The following PPWD1 variants were observed in gnomAD, a reference collection of about 807,000 sequenced individuals.
The protein encoded by PPWD1 is peptidylprolyl isomerase domain and WD repeat containing 1, also known as peptidylprolyl isomerase domain and WD repeat-containing protein 1.
A neutral mutation model predicts 68.8 loss-of-function variants in PPWD1; 43 were observed. That is an observed-to-expected ratio of 0.62 (90% confidence interval 0.49 to 0.81). The LOEUF (loss-of-function observed/expected upper bound fraction) is 0.81. PPWD1 is among the 30% of genes least tolerant of loss of function. The probability of loss-of-function intolerance (pLI) is 0.00; values close to 1 mark genes in which losing one functional copy is unlikely to be tolerated. For missense variants in PPWD1, 672 were observed against 804.8 expected (o/e 0.83, Z 2.00); for synonymous variants, 232 against 258.7 (o/e 0.90, Z 0.99).
chr5:65,576,425 A>G (rs369322532), intron 5 of PPWD1: 1 of 851,236 alleles, frequency 1.2e-6, no homozygotes, highest in South Asian at 5.4e-5. Context: ...CCCCCAGGCC[A>G]GAGTGCAGTG....
In PPWD1 at chr5:65,572,281, C is replaced by T; in HGVS notation, c.964C>T (p.Leu322=). Residue 322 remains leucine, a synonymous_variant, in exon 5 of 11, where the codon CTA becomes TTA. Transcript: ENST00000261308. ...ACTCATGAGAGTCTTTGATGAATCACTAAGCGTAAGTGTAATTTAAATTTA... is the reference window on the plus strand; with the variant it reads ...ACTCATGAGAGTCTTTGATGAATCATTAAGCGTAAGTGTAATTTAAATTTA... The part of the protein sequence containing the change: ...GKLMRVFDES[L]SMFTELQQMR... The T allele has an allele frequency of 2.5e-6, 4 of 1,605,852 alleles. No individual in the cohort carries two copies. Among genetic ancestry groups the T allele is most frequent in the Admixed American group, 1.7e-5 (1 of 59,064 alleles).
At chr5:65,567,761 T>C in intron 2 of PPWD1, 146 bp downstream of exon 2, 2 of 1,311,342 alleles carry the variant, frequency 1.5e-6, no homozygotes, top group African/African-American at 2.9e-5. Context: ...CTACATGTTC[T>C]TTCCTATATC....
Position 65,563,460 on chromosome 5 carries a change from G to A in PPWD1, c.150G>A (p.Trp50Ter). ...ACGATGAGGAGAACGAAGAGCGCTGGGTTGGACCTTTACCTGTGGAGGCAA... is the reference window on the plus strand; with the variant it reads ...ACGATGAGGAGAACGAAGAGCGCTGAGTTGGACCTTTACCTGTGGAGGCAA... The part of the protein sequence containing the change: ...QENDEENEER[W>*]VGPLPVEATL... Residue 50 changes from tryptophan to a stop codon, truncating the protein, a stop_gained, in exon 1 of 11, where the codon TGG becomes TGA. Coordinates refer to ENST00000261308, the MANE Select transcript of PPWD1 (RefSeq NM_015342.4). LOFTEE classifies it high-confidence loss of function. The A allele has an allele frequency of 6.2e-7, 1 of 1,614,092 alleles. No individual in the cohort carries two copies. The highest frequency in any genetic ancestry group is 8.5e-7 in the Non-Finnish European group (1 of 1,180,000).
At chr5:65,579,024 T>C (rs1204795955) in intron 6 of PPWD1, among the ~76,000 whole-genome samples, 1 of 151,928 alleles carries the variant, frequency 6.6e-6, no homozygotes, top group Non-Finnish European at 1.5e-5. Flanking sequence ...CAAGTGATTC[T>C]TGTGTCTCAG....
Position 65,571,997 on chromosome 5 carries a change from C to T in PPWD1, c.680C>T (p.Thr227Ile). The change falls in exon 5 of 11, where the codon ACT (threonine) becomes ATT (isoleucine). Residue 227 changes from threonine to isoleucine, a missense_variant. Thr to Ile is a moderately conservative substitution (Grantham distance 89, BLOSUM62 -1). Around this residue, in one of 2 missense-constraint regions of PPWD1, gnomAD observed 484 missense variants for 646.2 expected, o/e 0.75. Transcript: ENST00000261308. Reference sequence around the variant, plus strand: ...GACAAACTCCATACATCACCTCTTACTCAGATACGGCTAAACCCAGTTTAC... The same window carrying T: ...GACAAACTCCATACATCACCTCTTATTCAGATACGGCTAAACCCAGTTTAC... ...IFDKLHTSPL[T>I]QIRLNPVYKA... 1 of 1,614,012 alleles carries T rather than the reference C, an allele frequency of 6.2e-7. No individual in the cohort carries two copies. The highest frequency in any genetic ancestry group is 8.5e-7 in the Non-Finnish European group (1 of 1,179,882).
At chr5:65,573,991 C>G (rs949167208) in intron 5 of PPWD1, among the ~76,000 whole-genome samples, 1 of 152,190 alleles carries the variant, frequency 6.6e-6, no homozygotes, top group Non-Finnish European at 1.5e-5. Flanking sequence ...AAGTGGTTCT[C>G]TGAATCCTCT....
chr5:65,577,295 A>ATGCATAGT (rs1423408655), intron 6 of PPWD1, among the ~76,000 whole-genome samples: 1 of 152,232 alleles, frequency 6.6e-6, no homozygotes, highest in Non-Finnish European at 1.5e-5. Context: ...GAAAGAAGAT[A>ATGCATAGT]TGCATAGTTT....
Position 65,585,061 on chromosome 5 carries a change from A to G in PPWD1, c.1580A>G (p.Tyr527Cys). 10 of 1,612,222 alleles carry G rather than the reference A, an allele frequency of 6.2e-6. No individual in the cohort carries two copies. Among genetic ancestry groups the G allele is most frequent in the Non-Finnish European group, 8.5e-6 (10 of 1,178,462 alleles). ...ENFCVHSRNG[Y>C]YNGHTFHRII... ...TTCTGTGTTCACAGCAGAAATGGTT[A>G]TTATAATGGGCATACATTTCACCGT... Residue 527 changes from tyrosine to cysteine, a missense_variant, in exon 9 of 11, where the codon TAT (tyrosine) becomes TGT (cysteine). Physicochemically the swap from Tyr to Cys is radical, Grantham distance 194. This residue lies in a region of PPWD1 where 484 missense variants were observed against 646.2 expected (regional missense o/e 0.75). Coordinates refer to ENST00000261308, the MANE Select transcript of PPWD1 (RefSeq NM_015342.4).
At position 65,587,277 on chromosome 5, in the gene PPWD1, G is replaced by T. The variant is rs1376835433; in HGVS notation, c.1822G>T (p.Val608Leu). Residue 608 changes from valine (V) to leucine (L), a missense_variant, in exon 11 of 11, where the codon GTA becomes TTA. Val to Leu is a conservative substitution (Grantham distance 32). Coordinates refer to ENST00000261308, the MANE Select transcript of PPWD1 (RefSeq NM_015342.4). ...PTPWLDNKHT[V>L]FGRVTKGMEV... ...GCCTTGGCTTGATAATAAGCATACA[G>T]TATTTGGACGAGTGACTAAAGGAAT... is the stretch of plus-strand genomic sequence containing the variant. The T allele has an allele frequency of 6.2e-7, 1 of 1,611,266 alleles. No homozygotes were observed. The highest frequency in any genetic ancestry group is 2.2e-5 in the East Asian group (1 of 44,788).
chr5:65,570,458 C>T (rs1554121784), intron 4 of PPWD1: 3 of 442,054 alleles, frequency 6.8e-6, no homozygotes, highest in Non-Finnish European at 9.0e-6. Flanking sequence ...AAGACTGATA[C>T]TTTGTTTTAA....
intron 7 of PPWD1, among the ~76,000 whole-genome samples, chr5:65,580,157 A>G (rs896442921): frequency 2.0e-5 from 3 of 152,174 alleles, no homozygotes; most frequent in African/African-American, 7.2e-5. Flanking sequence ...CCGTGCCATG[A>G]AGGAGTAGCA....
At position 65,579,293 on chromosome 5, in the gene PPWD1, CTT is replaced by C. The variant is rs1239399808; in HGVS notation, c.1161-128_1161-127del. On this transcript the variant is annotated intron_variant, in intron 6 of 10. Coordinates refer to ENST00000261308, the MANE Select transcript of PPWD1 (RefSeq NM_015342.4). ...ATACCTTTTGGGGGGTAGAGAAACACTTTTAAAAATCTTTCACTAGTTATTTT... is the reference window on the plus strand; with the variant it reads ...ATACCTTTTGGGGGGTAGAGAAACACTTAAAAATCTTTCACTAGTTATTTT... 4.7e-6 allele frequency: 6 copies of C among 1,284,712 alleles called. No individual in the cohort carries two copies. In the East Asian group the frequency reaches 1.8e-4, roughly 39 times the overall value. The allele number at this position is 1,284,712 out of a possible 1,614,324, so 79.6% of individuals were successfully genotyped here.
intron 2 of PPWD1, chr5:65,568,794 C>T (rs990413169): frequency 3.2e-6 from 1 of 315,470 alleles, no homozygotes; most frequent in Non-Finnish European, 6.2e-6. Context: ...TAGGATAATT[C>T]TGACCAAATA....
At chr5:65,580,814 T>C (rs1401401767) in intron 7 of PPWD1, among the ~76,000 whole-genome samples, 1 of 152,154 alleles carries the variant, frequency 6.6e-6, no homozygotes, top group African/African-American at 2.4e-5. Context: ...GCACCCAGCC[T>C]GGAAGCCCTT....
chr5:65,573,969 A>G (rs1241887436), intron 5 of PPWD1, among the ~76,000 whole-genome samples: 2 of 152,198 alleles, frequency 1.3e-5, no homozygotes, highest in South Asian at 2.1e-4. Context: ...TGTGATTGCA[A>G]CTATTGCCAT....
chr5:65,581,688 C>T (rs1753606269), intron 7 of PPWD1, among the ~76,000 whole-genome samples: 2 of 152,018 alleles, frequency 1.3e-5, no homozygotes, highest in Non-Finnish European at 2.9e-5. Context: ...TTTTCTTTTC[C>T]AAGTTTACTT....
At chr5:65,573,516 G>GTT (rs869214238) in intron 5 of PPWD1, among the ~76,000 whole-genome samples, 296 of 15,418 alleles carry the variant, frequency 0.019, 91 homozygotes, top group Non-Finnish European at 0.028. Context: ...AGTACAGATG[G>GTT]TTTTTTTTTT....
At chr5:65,570,708 C>T (rs1752972544) in intron 4 of PPWD1, among the ~76,000 whole-genome samples, 1 of 152,040 alleles carries the variant, frequency 6.6e-6, no homozygotes, top group Non-Finnish European at 1.5e-5. Context: ...GTCTTTCTTA[C>T]TTCTCCCTAT....
chr5:65,576,840 G>T, intron 5 of PPWD1, 39 bp from the exon 6 acceptor site: 1 of 1,591,542 alleles, frequency 6.3e-7, no homozygotes, highest in East Asian at 2.2e-5. Flanking sequence ...ATAGGTATAT[G>T]TATATAGAGT....
Sources: gnomAD v4.1 joint callset for allele counts (sites outside exome capture counted in the v4.1 genomes callset) on GRCh38, gnomAD v4.1.1 for gene constraint, gnomAD v4.1.1 regional missense constraint, MANE v1.5 for transcripts, NCBI Gene and HGNC (gene_info 2026-07-23, HGNC 2026-07-21) for gene names.